LIPA: variants seen among roughly 807,000 people sequenced by gnomAD.
The protein encoded by LIPA is lipase A, lysosomal acid type.
In LIPA, 26 loss-of-function variants were observed where a neutral mutation model predicts 40.6. The observed-to-expected ratio is 0.64, with a 90% CI of 0.47 to 0.89. The LOEUF is 0.89. Ranked by LOEUF, LIPA falls within the 40% of genes least tolerant of loss-of-function variation. LIPA has a pLI of 0.00. For missense variants in LIPA, 455 were observed against 479.6 expected, an observed-to-expected ratio of 0.95 and a Z score of 0.48; for synonymous variants, 188 against 168.4, an observed-to-expected ratio of 1.12 and a Z score of -0.90.
chr10:89,351,886 A>T (rs977828890), intron 2 of LIPA, among the ~76,000 whole-genome samples: 1 of 152,178 alleles, frequency 6.6e-6, no homozygotes, highest in Non-Finnish European at 1.5e-5. Context: ...GATTTTTCAA[A>T]CTCAGTGTGT....
intron 2 of LIPA, among the ~76,000 whole-genome samples, chr10:89,372,508 G>A (rs141547150): frequency 4.6e-5 from 7 of 152,278 alleles, no homozygotes; most frequent in African/African-American, 7.2e-5. Context: ...CAAATTAAGC[G>A]CTTATCAATC....
At chr10:89,368,399 A>C (rs1231762077) in intron 2 of LIPA, among the ~76,000 whole-genome samples, 1 of 152,186 alleles carries the variant, frequency 6.6e-6, no homozygotes, top group African/African-American at 2.4e-5. Context: ...AACAGATCAG[A>C]ATACCAGAAA....
chr10:89,347,760 C>T (rs1483132956), intron 2 of LIPA, among the ~76,000 whole-genome samples: 1 of 152,188 alleles, frequency 6.6e-6, no homozygotes, highest in African/African-American at 2.4e-5. Flanking sequence ...CTATATTAAA[C>T]TTTTAACCTG....
At chr10:89,219,011 A>C (rs1842662969) in intron 8 of LIPA, among the ~76,000 whole-genome samples, 1 of 152,238 alleles carries the variant, frequency 6.6e-6, no homozygotes, top group South Asian at 2.1e-4. Context: ...AAATATTAAT[A>C]GTGGCTATTG....
Position 89,383,935 on chromosome 10 carries a change from C to T in LIPA, c.61+28856G>A, listed in dbSNP as rs758792760. 9.3e-6 allele frequency: 15 copies of T among 1,614,056 alleles called. No individual in the cohort carries two copies. The Middle Eastern group carries it at 6.6e-4, about 71-fold the overall frequency. ...GGCATTTTCTCTGCACGTCCTAAAA[C>T]GAGCTGTCAGGCTAAATCCAGATGA... On this transcript the variant is annotated intron_variant, in intron 2 of 8. Transcript: ENST00000371837.
In LIPA at chr10:89,214,909, C is replaced by T. The variant is rs745997462; in HGVS notation, c.1119G>A (p.Glu373=). The T allele has an allele frequency of 1.5e-5, 24 of 1,613,924 alleles. No individual in the cohort carries two copies. The African/African-American group carries it at 2.4e-4, about 16-fold the overall frequency. ...CCAGGCCCCAAATGAAGTCAAGATG[C>T]TCCCATTCCGGAATGCTCTCATGGA... ...LVFHESIPEW[E]HLDFIWGLDA... Residue 373 remains glutamate, a synonymous_variant, in exon 10 of 10, where the codon GAG becomes GAA. Coordinates refer to ENST00000336233, the MANE Select transcript of LIPA (RefSeq NM_000235.4).
At chr10:89,340,072 G>A in intron 1 of LIPA, 1 of 1,613,466 alleles carries the variant, frequency 6.2e-7, no homozygotes. Flanking sequence ...AATGGGCCAG[G>A]GCGCAGTCAG....
chr10:89,322,034 A>G (rs943661642), intron 1 of LIPA, among the ~76,000 whole-genome samples: 1 of 152,096 alleles, frequency 6.6e-6, no homozygotes, highest in African/African-American at 2.4e-5. Flanking sequence ...ACAACTGGAC[A>G]CAGGATGGGG....
intron 2 of LIPA, among the ~76,000 whole-genome samples, chr10:89,406,907 T>G (rs1017438184): frequency 5.3e-5 from 8 of 152,150 alleles, no homozygotes; most frequent in African/African-American, 1.9e-4. Flanking sequence ...CGGACCCCTT[T>G]CACTTGCTAT....
rs398038546 is a variant in LIPA at position 89,250,107 on chromosome 10, CTTTT to C, written c.-2+1626_-2+1629del. Among the ~76,000 whole-genome samples the C allele has an allele frequency of 3.1e-5, 3 of 96,076 alleles. 1 individual carries two copies. Among genetic ancestry groups the C allele is most frequent in the African/African-American group, 9.1e-5 (2 of 21,940 alleles). The allele number at this position is 96,076 out of a possible 152,430, so 63.0% of individuals were successfully genotyped here. ...TTTTTCTTTTTCTTTTCTTTTCTTTCTTTTTTTTTTTTGAGACAGTCTTGCTCTG... is the reference window on the plus strand; with the variant it reads ...TTTTTCTTTTTCTTTTCTTTTCTTTCTTTTTTTTGAGACAGTCTTGCTCTG... On this transcript the variant is annotated intron_variant, in intron 1 of 9. Coordinates refer to ENST00000336233, the MANE Select transcript of LIPA (RefSeq NM_000235.4).
At chr10:89,268,558 A>T (rs1316671681) in intron 1 of LIPA, among the ~76,000 whole-genome samples, 1 of 152,204 alleles carries the variant, frequency 6.6e-6, no homozygotes, top group Non-Finnish European at 1.5e-5. Flanking sequence ...AATAGGCTCA[A>T]GCTATATATA....
At chr10:89,308,813 T>C (rs1440249821) in intron 1 of LIPA, 2 of 152,256 alleles carry the variant, frequency 1.3e-5, no homozygotes, top group Non-Finnish European at 2.9e-5. Flanking sequence ...TGTTATTTTC[T>C]GTATTAAACA....
At chr10:89,223,326 T>C (rs1166254628) in intron 7 of LIPA, among the ~76,000 whole-genome samples, 3 of 152,092 alleles carry the variant, frequency 2.0e-5, no homozygotes, top group Admixed American at 6.6e-5. Context: ...CTCTCCCTCC[T>C]TCCTTTTGGA....
At chr10:89,294,323 T>C (rs114226187) in intron 1 of LIPA, among the ~76,000 whole-genome samples, 3 of 152,204 alleles carry the variant, frequency 2.0e-5, no homozygotes, top group Non-Finnish European at 4.4e-5. Context: ...GATTGGGTAA[T>C]TTATAATGAA....
intron 1 of LIPA, among the ~76,000 whole-genome samples, chr10:89,272,942 TG>T (rs1273776480): frequency 6.6e-6 from 1 of 152,248 alleles, no homozygotes; most frequent in Non-Finnish European, 1.5e-5. Flanking sequence ...TTAATGGAGT[TG>T]TTTTTTTCTT....
At chr10:89,402,298 A>G (rs1162893593) in intron 2 of LIPA, 1 of 1,609,930 alleles carries the variant, frequency 6.2e-7, no homozygotes, top group Admixed American at 1.7e-5. Flanking sequence ...GGTGATGATC[A>G]TCAGGTCAAG....
At chr10:89,244,540 C>T (rs7922536) in intron 3 of LIPA, among the ~76,000 whole-genome samples, 1 of 152,060 alleles carries the variant, frequency 6.6e-6, no homozygotes, top group Non-Finnish European at 1.5e-5. Context: ...CAAGATTGCA[C>T]CATTGCATTC....
In LIPA at chr10:89,339,661, G is replaced by C. The variant is rs151167903; in HGVS notation, c.-2+2950C>G. On this transcript the variant is annotated intron_variant, in intron 1 of 5. Coordinates refer to the LIPA transcript ENST00000282673. ...TCCTCTGAATGCATACTCCGATCTCGCTGAGTTCCTGGAGACGGAATGTTA... is the reference window on the plus strand; with the variant it reads ...TCCTCTGAATGCATACTCCGATCTCCCTGAGTTCCTGGAGACGGAATGTTA... 2.5e-6 allele frequency: 4 copies of C among 1,614,044 alleles called. No individual in the cohort carries two copies. The Admixed American group carries it at 6.7e-5, about 27-fold the overall frequency.
chr10:89,256,073 T>TAC (rs1843179491), upstream of LIPA, among the ~76,000 whole-genome samples: 1 of 152,208 alleles, frequency 6.6e-6, no homozygotes, highest in African/African-American at 2.4e-5. Flanking sequence ...CTCCCCTTCT[T>TAC]TCTTCCTTCT....
Sources: gnomAD v4.1 joint callset for allele counts (sites outside exome capture counted in the v4.1 genomes callset) on GRCh38, gnomAD v4.1.1 for gene constraint, MANE v1.5 for transcripts, NCBI Gene and HGNC (gene_info 2026-07-23, HGNC 2026-07-21) for gene names.